The following SLC7A1 variants were observed in gnomAD, a reference collection of about 807,000 sequenced individuals.
SLC7A1 encodes solute carrier family 7 member 1.
A neutral mutation model predicts 53.9 loss-of-function variants in SLC7A1; 10 were observed. That is an observed-to-expected ratio of 0.19 (90% CI 0.11 to 0.31). The LOEUF (loss-of-function observed/expected upper bound fraction) is 0.31, where lower values mean the gene tolerates loss of function less well. SLC7A1 is among the 10% of genes least tolerant of loss of function. The probability of loss-of-function intolerance (pLI) is 1.00; values close to 1 mark genes in which losing one functional copy is unlikely to be tolerated. For missense variants in SLC7A1, 525 were observed against 827.2 expected, an observed-to-expected ratio of 0.63 and a Z score of 4.48; for synonymous variants, 342 against 338.7, an observed-to-expected ratio of 1.01 and a Z score of -0.11.
chr13:29,524,268 C>T lies in SLC7A1; in HGVS notation c.705-15G>A. ...CTTTTGTGTCACTAGAAAAAAGAGCCGCAAACAAATGTCACGTCACTCGCT... is the reference window on the plus strand; with the variant it reads ...CTTTTGTGTCACTAGAAAAAAGAGCTGCAAACAAATGTCACGTCACTCGCT... On this transcript the variant is annotated splice_polypyrimidine_tract_variant and intron_variant, in intron 5 of 12. Transcript: ENST00000380752. 1 of 1,614,010 alleles carries T rather than the reference C, an allele frequency of 6.2e-7. No homozygotes were observed. Among genetic ancestry groups the T allele is most frequent in the Non-Finnish European group, 8.5e-7 (1 of 1,179,942 alleles).
intron 2 of SLC7A1, among the ~76,000 whole-genome samples, chr13:29,550,808 T>C (rs1031698766): frequency 6.6e-6 from 1 of 152,230 alleles, no homozygotes; most frequent in East Asian, 1.9e-4. Context: ...ATTGAGAAAG[T>C]AAGATGTGTG....
At chr13:29,572,498 C>T (rs544853309) in intron 1 of SLC7A1, among the ~76,000 whole-genome samples, 113 of 152,148 alleles carry the variant, frequency 7.4e-4, no homozygotes, top group African/African-American at 2.5e-3. Context: ...GGGACTAGAA[C>T]GAAAAGCAAG....
intron 1 of SLC7A1, among the ~76,000 whole-genome samples, chr13:29,570,978 A>G (rs1871166486): frequency 6.6e-6 from 1 of 152,212 alleles, no homozygotes; most frequent in Non-Finnish European, 1.5e-5. Context: ...CACCTGGTGC[A>G]TAGTATGCGC....
chr13:29,587,894 C>A (rs958158242), intron 1 of SLC7A1, among the ~76,000 whole-genome samples: 5 of 152,134 alleles, frequency 3.3e-5, no homozygotes, highest in African/African-American at 1.2e-4. Flanking sequence ...GGAGGGATCA[C>A]GAGTCTGTGT....
chr13:29,525,915 T>C (rs2989593), intron 5 of SLC7A1, among the ~76,000 whole-genome samples: 123,285 of 152,174 alleles, frequency 0.81, 51,727 homozygotes, highest in East Asian at 0.95. Flanking sequence ...CTCATCCAAA[T>C]CCCCTCGCCT....
intron 1 of SLC7A1, among the ~76,000 whole-genome samples, chr13:29,568,073 T>C (rs1161220833): frequency 1.5e-4 from 23 of 152,160 alleles, no homozygotes; most frequent in Admixed American, 1.5e-3. Context: ...TGTTTTCTCC[T>C]CTAAACTTAC....
chr13:29,556,403 T>G (rs1870442470), intron 1 of SLC7A1, among the ~76,000 whole-genome samples: 1 of 151,986 alleles, frequency 6.6e-6, no homozygotes, highest in Non-Finnish European at 1.5e-5. Flanking sequence ...TTAGACAGGG[T>G]CTCACTCTGT....
chr13:29,563,887 G>A (rs988386623), intron 1 of SLC7A1, among the ~76,000 whole-genome samples: 1 of 152,212 alleles, frequency 6.6e-6, no homozygotes, highest in African/African-American at 2.4e-5. Context: ...GCTCCTGGGG[G>A]AAGGCCATCT....
chr13:29,570,243 T>C (rs1161526180), intron 1 of SLC7A1, among the ~76,000 whole-genome samples: 3 of 152,206 alleles, frequency 2.0e-5, no homozygotes, highest in Non-Finnish European at 4.4e-5. Flanking sequence ...GGCCACGGCC[T>C]GCCACGTGCC....
intron 2 of SLC7A1, among the ~76,000 whole-genome samples, chr13:29,544,306 G>C (rs141724838): frequency 2.6e-5 from 4 of 152,298 alleles, no homozygotes; most frequent in Admixed American, 6.5e-5. Flanking sequence ...AATATTAACT[G>C]AGATTATACG....
chr13:29,590,624 T>C (rs1364405906), intron 1 of SLC7A1, among the ~76,000 whole-genome samples: 1 of 152,086 alleles, frequency 6.6e-6, no homozygotes, highest in African/African-American at 2.4e-5. Context: ...CTATTGTTCC[T>C]TCCCTCAGAC....
intron 1 of SLC7A1, among the ~76,000 whole-genome samples, chr13:29,590,827 G>A (rs1872077707): frequency 6.6e-6 from 1 of 152,176 alleles, no homozygotes; most frequent in Non-Finnish European, 1.5e-5. Context: ...CTCAGGGCTA[G>A]GCTAAGTGGC....
Position 29,519,482 on chromosome 13 carries a change from A to T in SLC7A1, c.1257T>A (p.Ala419=). 6.2e-7 allele frequency: 1 copy of T among 1,613,734 alleles called. No individual in the cohort carries two copies. The highest frequency in any genetic ancestry group is 8.5e-7 in the Non-Finnish European group (1 of 1,179,702). The change falls in exon 9 of 13, where the codon GCT becomes GCA. Residue 419 remains alanine (A), a synonymous_variant. Transcript: ENST00000380752. ...VDLMSIGTLL[A]YSLVAACVLV... is the part of the protein sequence containing the mutation. ...ACACACAGGCAGCCACCAACGAGTA[A>T]GCCAGGAGAGTGCCAATGGACATGA...
At chr13:29,573,351 G>A (rs527843751) in intron 1 of SLC7A1, among the ~76,000 whole-genome samples, 3 of 152,284 alleles carry the variant, frequency 2.0e-5, no homozygotes, top group African/African-American at 7.2e-5. Context: ...ACGTGTTGCC[G>A]GGAGTGAGAT....
rs2139070016 is a variant in SLC7A1, at chr13:29,517,777, G to T, written c.1306C>A (p.Gln436Lys). ...GCCATCTGGTATACCAGGTTAGGCTGCTCTGGCTGGTACCTGGGAAGAAAG... is the reference window on the plus strand; with the variant it reads ...GCCATCTGGTATACCAGGTTAGGCTTCTCTGGCTGGTACCTGGGAAGAAAG... ...CVLVLRYQPE[Q>K]PNLVYQMAST... Residue 436 changes from glutamine to lysine, a missense_variant, in exon 10 of 13, where the codon CAG becomes AAG. Around this residue, in one of 4 missense-constraint regions of SLC7A1, gnomAD observed 354 missense variants for 587.5 expected, o/e 0.60. Transcript: ENST00000380752. The T allele has an allele frequency of 6.2e-7, 1 of 1,613,956 alleles. No homozygotes were observed.
rs1214525707 is a variant in SLC7A1 at position 29,514,436 on chromosome 13, C to T, written c.*44G>A. On this transcript the variant is annotated 3_prime_UTR_variant, in exon 13 of 13. Coordinates refer to ENST00000380752, the MANE Select transcript of SLC7A1 (RefSeq NM_003045.5). ...GGGGTGCCTCCCGGTCCTCTGGGGGCGTCCCTCGGGGCTGCTGCCACCTCC... is the reference window on the plus strand; with the variant it reads ...GGGGTGCCTCCCGGTCCTCTGGGGGTGTCCCTCGGGGCTGCTGCCACCTCC... 2.2e-5 allele frequency: 32 copies of T among 1,460,708 alleles called. No homozygotes were observed. Among genetic ancestry groups the T allele is most frequent in the Middle Eastern group, 1.9e-4 (1 of 5,316 alleles). 90.5% of individuals were successfully genotyped at this position (1,460,708 alleles called of 1,614,324 possible). A position where few individuals can be genotyped will look rare whatever the true frequency, so the allele number is the denominator to read the frequency against.
rs147197464 is a variant in SLC7A1 at position 29,569,690 on chromosome 13, T to A, written c.-114-15830A>T. On this transcript the variant is annotated intron_variant, in intron 1 of 12. Transcript: ENST00000380752. Reference sequence around the variant, plus strand: ...AACACATTGCACTATCAAGACAGATTTTTAAAAAATTCTTCAATGTAATGC... The same window carrying A: ...AACACATTGCACTATCAAGACAGATATTTAAAAAATTCTTCAATGTAATGC... Among the ~76,000 whole-genome samples the A allele has an allele frequency of 3.4e-3, 523 of 152,314 alleles. 4 individuals are homozygous for A. Among genetic ancestry groups the A allele is most frequent in the African/African-American group, 0.012 (490 of 41,558 alleles).
intron 2 of SLC7A1, among the ~76,000 whole-genome samples, chr13:29,552,131 T>C (rs1231911138): frequency 6.6e-6 from 1 of 151,972 alleles, no homozygotes; most frequent in Non-Finnish European, 1.5e-5. Flanking sequence ...GCATTCCTAA[T>C]ATAGCCATAG....
At chr13:29,539,128 C>T (rs1204983543) in intron 2 of SLC7A1, among the ~76,000 whole-genome samples, 1 of 152,192 alleles carries the variant, frequency 6.6e-6, no homozygotes, top group Non-Finnish European at 1.5e-5. Context: ...AGGGGTCGCC[C>T]TGCCTTTCTC....
Sources: allele counts gnomAD v4.1 joint callset (sites outside exome capture counted in the v4.1 genomes callset), GRCh38; gene constraint gnomAD v4.1.1; regional missense constraint gnomAD v4.1.1; transcripts MANE v1.5; gene names NCBI Gene and HGNC (gene_info 2026-07-23, HGNC 2026-07-21).